Variants in CACNA2D3 observed in about 807,000 individuals in gnomAD.
CACNA2D3 encodes voltage-dependent calcium channel subunit alpha-2/delta-3.
CACNA2D3 carries 60 observed loss-of-function variants against 160.6 expected under a neutral mutation model. The observed-to-expected ratio is 0.37, with a 90% CI of 0.30 to 0.46. The LOEUF is 0.46. CACNA2D3 is among the 20% of genes least tolerant of loss of function. The pLI, the probability that CACNA2D3 is intolerant of heterozygous loss-of-function variation, is 1.00. For missense variants in CACNA2D3, 1,205 were observed against 1,365.0 expected, an observed-to-expected ratio of 0.88 and a Z score of 1.85; for synonymous variants, 558 against 492.9, an observed-to-expected ratio of 1.13 and a Z score of -1.75.
chr3:54,390,753 G>T (rs371415784), intron 4 of CACNA2D3, among the ~76,000 whole-genome samples: 1 of 152,156 alleles, frequency 6.6e-6, no homozygotes, highest in Non-Finnish European at 1.5e-5. Flanking sequence ...AACAGCTTGG[G>T]TGTCAGCCCC....
At chr3:54,202,400 C>T (rs910468455) in intron 2 of CACNA2D3, among the ~76,000 whole-genome samples, 12 of 152,190 alleles carry the variant, frequency 7.9e-5, no homozygotes, top group Non-Finnish European at 1.8e-4. Flanking sequence ...AGAATCCAGC[C>T]CCAAGTCCCA....
At chr3:54,772,217 A>G (rs776805339) in intron 13 of CACNA2D3, among the ~76,000 whole-genome samples, 1 of 150,360 alleles carries the variant, frequency 6.7e-6, no homozygotes, top group Non-Finnish European at 1.5e-5. Context: ...CTTTCTCTGT[A>G]ATTATCTGGG....
At chr3:55,052,903 G>A (rs185645350) in intron 35 of CACNA2D3, among the ~76,000 whole-genome samples, 7 of 152,128 alleles carry the variant, frequency 4.6e-5, no homozygotes, top group South Asian at 2.1e-4. Context: ...TTATAGATAG[G>A]ACGTAATTGG....
chr3:54,350,977 TTTTTG>T (rs1698546007), intron 3 of CACNA2D3, among the ~76,000 whole-genome samples: 1 of 45,964 alleles, frequency 2.2e-5, no homozygotes, highest in African/African-American at 8.6e-5. Flanking sequence ...TGTTTTTTTT[TTTTTG>T]TTTGTTTTTT....
intron 13 of CACNA2D3, among the ~76,000 whole-genome samples, chr3:54,802,326 T>A (rs923206227): frequency 7.9e-5 from 12 of 152,126 alleles, no homozygotes; most frequent in Non-Finnish European, 1.2e-4. Context: ...AGGAGAAGGA[T>A]ATTCAGAGAG....
intron 17 of CACNA2D3, among the ~76,000 whole-genome samples, chr3:54,868,280 A>T (rs547375172): frequency 1.3e-5 from 2 of 152,204 alleles, no homozygotes; most frequent in Non-Finnish European, 2.9e-5. Flanking sequence ...AAAGTGTTTC[A>T]TACCCATTTT....
intron 11 of CACNA2D3, among the ~76,000 whole-genome samples, chr3:54,729,796 G>A (rs1252583466): frequency 6.6e-6 from 1 of 152,026 alleles, no homozygotes; most frequent in Non-Finnish European, 1.5e-5. Context: ...TCAGGAGATT[G>A]AGACCATCCC....
intron 5 of CACNA2D3, among the ~76,000 whole-genome samples, chr3:54,553,642 C>A (rs1318997763): frequency 6.6e-6 from 1 of 152,190 alleles, no homozygotes; most frequent in African/African-American, 2.4e-5. Context: ...AATTGTTCTT[C>A]TTCATTCAGA....
At position 54,885,527 on chromosome 3, in the gene CACNA2D3, A is replaced by G. The variant is rs747064363; in HGVS notation, c.1997A>G (p.His666Arg). ...ACTGACCTACACCCTGAGCACCGCCATCTGTCTCAGTTAGAAGCGATTAAG... is the reference window on the plus strand; with the variant it reads ...ACTGACCTACACCCTGAGCACCGCCGTCTGTCTCAGTTAGAAGCGATTAAG... ...CNTDLHPEHR[H>R]LSQLEAIKLY... is the part of the protein sequence containing the mutation. Residue 666 changes from histidine (H) to arginine (R), a missense_variant, in exon 23 of 38, where the codon CAT (histidine) becomes CGT (arginine). Physicochemically the swap from His to Arg is conservative, Grantham distance 29. Around this residue, in one of 3 missense-constraint regions of CACNA2D3, gnomAD observed 911 missense variants for 1,002.2 expected, o/e 0.91. Transcript: ENST00000474759. 1.9e-6 allele frequency: 3 copies of G among 1,613,824 alleles called. No individual in the cohort carries two copies. The highest frequency in any genetic ancestry group is 2.5e-6 in the Non-Finnish European group (3 of 1,179,828).
At chr3:54,209,836 T>C (rs1701341853) in intron 2 of CACNA2D3, among the ~76,000 whole-genome samples, 1 of 152,244 alleles carries the variant, frequency 6.6e-6, no homozygotes, top group South Asian at 2.1e-4. Context: ...TTTTCTGTGC[T>C]CTTTTTGCCA....
At position 54,936,955 on chromosome 3, in the gene CACNA2D3, T is replaced by C. The variant is rs1198258171; in HGVS notation, c.2450-31495T>C. Among the ~76,000 whole-genome samples, 3 of 152,180 alleles carry C rather than the reference T, an allele frequency of 2.0e-5. No individual in the cohort carries two copies. The South Asian group carries it at 6.2e-4, about 32-fold the overall frequency. ...GCTGATGTTTATAAGTTCCTATCCA[T>C]GGCCTCCAGTTGCTCCCACCATGAA... On this transcript the variant is annotated intron_variant, in intron 27 of 37. Transcript: ENST00000474759.
At chr3:54,450,398 G>A (rs1202146656) in intron 4 of CACNA2D3, among the ~76,000 whole-genome samples, 1 of 151,870 alleles carries the variant, frequency 6.6e-6, no homozygotes. Flanking sequence ...TTCCAGCATC[G>A]ACTCTTAAGT....
At chr3:54,461,089 C>G (rs1031677292) in intron 4 of CACNA2D3, among the ~76,000 whole-genome samples, 1 of 151,744 alleles carries the variant, frequency 6.6e-6, no homozygotes, top group African/African-American at 2.4e-5. Flanking sequence ...TATTGATTTG[C>G]GTATATTGAA....
chr3:54,391,484 C>T lies in CACNA2D3; in HGVS notation c.381+4710C>T, dbSNP rs116499073. On this transcript the variant is annotated intron_variant, in intron 4 of 37. Transcript: ENST00000474759. ...AACAGATGTGCTTGGCCTTCATTGG[C>T]GGGGTGGCTTTCTTTCTTTCTTTCT... is the stretch of plus-strand genomic sequence containing the variant. Among the ~76,000 whole-genome samples, 671 of 150,978 alleles carry T rather than the reference C, an allele frequency of 4.4e-3. 4 individuals are homozygous for T. Among genetic ancestry groups the T allele is most frequent in the South Asian group, 0.021 (99 of 4,746 alleles).
chr3:54,660,219 G>GGC (rs1309087119), intron 11 of CACNA2D3, among the ~76,000 whole-genome samples: 1 of 149,908 alleles, frequency 6.7e-6, no homozygotes, highest in Non-Finnish European at 1.5e-5. Context: ...GGAGTGCAGT[G>GGC]GCACCATCTT....
At chr3:54,587,073 A>C (rs1447907778) in intron 9 of CACNA2D3, among the ~76,000 whole-genome samples, 1 of 152,102 alleles carries the variant, frequency 6.6e-6, no homozygotes, top group Non-Finnish European at 1.5e-5. Context: ...GTTCTCTAAT[A>C]ATTGAAGTTT....
rs577194239 is a variant in CACNA2D3, at chr3:54,473,195, A to G, written c.382-30297A>G. 3.3e-5 allele frequency among the ~76,000 whole-genome samples: 5 copies of G among 152,296 alleles called. No individual in the cohort carries two copies. In the South Asian group the frequency reaches 8.3e-4, roughly 25 times the overall value. ...GGTACCAAAACAGATATATAGACCA[A>G]TGAAACAGAACAGAGGCCTCCGAAA... On this transcript the variant is annotated intron_variant, in intron 4 of 37. Coordinates refer to ENST00000474759, the MANE Select transcript of CACNA2D3 (RefSeq NM_018398.3).
At chr3:54,587,804 G>A (rs1434282765) in intron 9 of CACNA2D3, among the ~76,000 whole-genome samples, 8 of 152,036 alleles carry the variant, frequency 5.3e-5, no homozygotes, top group Admixed American at 3.3e-4. Context: ...AACTATTAAA[G>A]GAATTGAGTT....
At chr3:54,901,253 A>T (rs1196744098) in intron 27 of CACNA2D3, 1 of 152,220 alleles carries the variant, frequency 6.6e-6, no homozygotes, top group Non-Finnish European at 1.5e-5. Context: ...GTCTGGCCAG[A>T]ATATCTGGTT....
Sources: allele counts gnomAD v4.1 joint callset (sites outside exome capture counted in the v4.1 genomes callset), GRCh38; gene constraint gnomAD v4.1.1; regional missense constraint gnomAD v4.1.1; transcripts MANE v1.5; gene names NCBI Gene and HGNC (gene_info 2026-07-23, HGNC 2026-07-21).